The following LRRC4C variants were observed in gnomAD, a reference collection of about 807,000 sequenced individuals.
LRRC4C encodes the protein leucine rich repeat containing 4C.
LRRC4C carries 5 observed loss-of-function variants against 33.6 expected under a neutral mutation model. The observed-to-expected ratio is 0.15, with a 90% confidence interval of 0.08 to 0.31. LRRC4C has a LOEUF of 0.31. LRRC4C is among the 10% of genes least tolerant of loss of function. LRRC4C has a pLI of 1.00. For missense variants in LRRC4C, 560 were observed against 796.7 expected (o/e 0.70, Z 3.58); for synonymous variants, 329 against 302.0 (o/e 1.09, Z -0.93).
At chr11:40,853,659 G>T (rs1953622341) in intron 2 of LRRC4C, among the ~76,000 whole-genome samples, 2 of 152,082 alleles carry the variant, frequency 1.3e-5, no homozygotes, top group Admixed American at 1.3e-4. Context: ...AAAGTATTAG[G>T]CAGTGAATAC....
At chr11:41,035,798 C>A (rs1018465881) in intron 1 of LRRC4C, among the ~76,000 whole-genome samples, 19 of 151,942 alleles carry the variant, frequency 1.3e-4, no homozygotes, top group African/African-American at 4.1e-4. Flanking sequence ...AATGGAAATT[C>A]GAATTTAAAA....
chr11:41,353,497 G>C (rs1238482597), intron 1 of LRRC4C, among the ~76,000 whole-genome samples: 1 of 152,014 alleles, frequency 6.6e-6, no homozygotes, highest in Non-Finnish European at 1.5e-5. Flanking sequence ...ATCAAGGAAG[G>C]GGGACTACTC....
At chr11:41,087,306 A>T (rs559355269) in intron 1 of LRRC4C, among the ~76,000 whole-genome samples, 4 of 152,238 alleles carry the variant, frequency 2.6e-5, no homozygotes, top group African/African-American at 9.6e-5. Flanking sequence ...TATTTTACTT[A>T]GCAGTTGGAG....
rs528013837 is a variant in LRRC4C, at chr11:40,265,485, C to A, written c.-175-23887G>T. Among the ~76,000 whole-genome samples, 51 of 152,330 alleles carry A rather than the reference C, an allele frequency of 3.3e-4. 1 individual carries two copies. In the South Asian group the frequency reaches 0.011, roughly 32 times the overall value. On this transcript the variant is annotated intron_variant, in intron 4 of 6. Coordinates refer to ENST00000528697, the MANE Select transcript of LRRC4C (RefSeq NM_001258419.2). Reference sequence around the variant, plus strand: ...CCATAGTCTAAATATTCCATTATCTCTTTTGCAACCCCAAAGTGTCTCAAA... The same window carrying A: ...CCATAGTCTAAATATTCCATTATCTATTTTGCAACCCCAAAGTGTCTCAAA...
intron 3 of LRRC4C, among the ~76,000 whole-genome samples, chr11:40,454,981 A>G (rs905122791): frequency 3.9e-5 from 6 of 152,114 alleles, no homozygotes; most frequent in Admixed American, 1.3e-4. Flanking sequence ...ATCCTTTTAA[A>G]TGGGAGCAAC....
intron 2 of LRRC4C, among the ~76,000 whole-genome samples, chr11:40,664,016 C>A (rs960701866): frequency 3.9e-5 from 6 of 152,100 alleles, no homozygotes; most frequent in African/African-American, 1.4e-4. Flanking sequence ...CATATAAAAC[C>A]TTTACAGAGC....
intron 1 of LRRC4C, among the ~76,000 whole-genome samples, chr11:41,069,243 T>A (rs1164340265): frequency 1.3e-5 from 2 of 152,188 alleles, no homozygotes. Flanking sequence ...AAACTCTCAA[T>A]AAACTAGGTA....
At chr11:41,187,627 A>G (rs1056069712) in intron 1 of LRRC4C, among the ~76,000 whole-genome samples, 2 of 152,152 alleles carry the variant, frequency 1.3e-5, no homozygotes, top group African/African-American at 4.8e-5. Flanking sequence ...CAAGGTAAGA[A>G]CCCTGGGATA....
At chr11:40,238,448 C>T (rs1044247400) in intron 5 of LRRC4C, among the ~76,000 whole-genome samples, 1 of 152,058 alleles carries the variant, frequency 6.6e-6, no homozygotes, top group African/African-American at 2.4e-5. Context: ...CAGATAATAC[C>T]ACAGCCCCGT....
chr11:40,549,025 T>C (rs1490224042), intron 3 of LRRC4C, among the ~76,000 whole-genome samples: 2 of 152,168 alleles, frequency 1.3e-5, no homozygotes, highest in East Asian at 1.9e-4. Context: ...TTAAGGTTCA[T>C]ATTAAAATCC....
chr11:40,273,317 A>C (rs1942845238), intron 4 of LRRC4C, among the ~76,000 whole-genome samples: 1 of 152,086 alleles, frequency 6.6e-6, no homozygotes, highest in Non-Finnish European at 1.5e-5. Flanking sequence ...GACAATGACA[A>C]AGGCAACTAG....
intron 1 of LRRC4C, among the ~76,000 whole-genome samples, chr11:40,978,787 A>ATT (rs374981105): frequency 6.8e-6 from 1 of 147,204 alleles, no homozygotes. Flanking sequence ...ATGCCCGGCT[A>ATT]TTTTTTTTTT....
At chr11:41,088,633 T>C (rs1940178332) in intron 1 of LRRC4C, among the ~76,000 whole-genome samples, 1 of 152,076 alleles carries the variant, frequency 6.6e-6, no homozygotes, top group African/African-American at 2.4e-5. Flanking sequence ...AGTGATAAGT[T>C]GAGGAGAAAA....
intron 5 of LRRC4C, among the ~76,000 whole-genome samples, chr11:40,149,151 G>C (rs569187337): frequency 1.4e-3 from 209 of 152,174 alleles, no homozygotes; most frequent in Non-Finnish European, 2.5e-3. Context: ...TGGCTACTTG[G>C]GCTTTTTGTG....
chr11:40,395,820 G>A (rs554608202), intron 3 of LRRC4C, among the ~76,000 whole-genome samples: 4 of 152,044 alleles, frequency 2.6e-5, no homozygotes, highest in South Asian at 2.1e-4. Context: ...AACCTTATCT[G>A]TACTAAAAAT....
At chr11:40,208,933 GCTTT>G (rs952109938) in intron 5 of LRRC4C, among the ~76,000 whole-genome samples, 1 of 139,482 alleles carries the variant, frequency 7.2e-6, no homozygotes, top group African/African-American at 2.6e-5. Flanking sequence ...CCAAATCAGG[GCTTT>G]CTTTTGTGCA....
At chr11:40,326,892 A>G (rs1331125537) in intron 3 of LRRC4C, among the ~76,000 whole-genome samples, 1 of 152,218 alleles carries the variant, frequency 6.6e-6, no homozygotes, top group Non-Finnish European at 1.5e-5. Flanking sequence ...TGCAGAGAGG[A>G]AAGTTCAGTA....
At chr11:40,749,128 C>G in intron 2 of LRRC4C, among the ~76,000 whole-genome samples, 1 of 152,096 alleles carries the variant, frequency 6.6e-6, no homozygotes, top group East Asian at 1.9e-4. Flanking sequence ...GTGAACTTAA[C>G]ATTTATTTAC....
At chr11:41,040,188 A>G (rs1209278857) in intron 1 of LRRC4C, among the ~76,000 whole-genome samples, 1 of 151,160 alleles carries the variant, frequency 6.6e-6, no homozygotes, top group Non-Finnish European at 1.5e-5. Flanking sequence ...GGGGATGTAC[A>G]TGGGGGTTGA....
Sources: gnomAD v4.1 joint callset for allele counts (sites outside exome capture counted in the v4.1 genomes callset) on GRCh38, gnomAD v4.1.1 for gene constraint, MANE v1.5 for transcripts, NCBI Gene and HGNC (gene_info 2026-07-23, HGNC 2026-07-21) for gene names.